KAZN: variants seen among roughly 807,000 people sequenced by gnomAD.
KAZN encodes kazrin, periplakin interacting protein.
In KAZN, 40 loss-of-function variants were observed where a neutral mutation model predicts 87.4. That is an observed-to-expected ratio of 0.46 (90% CI 0.36 to 0.60). The LOEUF (loss-of-function observed/expected upper bound fraction) is 0.60, where lower values mean the gene tolerates loss of function less well. KAZN is among the 20% of genes least tolerant of loss of function. The probability of loss-of-function intolerance (pLI) is 0.00; values close to 1 mark genes in which losing one functional copy is unlikely to be tolerated. For missense variants in KAZN, 898 were observed against 1,073.9 expected (o/e 0.84, Z 2.29); for synonymous variants, 466 against 458.3 (o/e 1.02, Z -0.22).
At position 15,096,836 on chromosome 1, in the gene KAZN, G is replaced by A. The variant is rs1478383390; in HGVS notation, c.1547+1903G>A. Among the ~76,000 whole-genome samples, 1 of 152,180 alleles carries A rather than the reference G, an allele frequency of 6.6e-6. No homozygotes were observed. The highest frequency in any genetic ancestry group is 1.5e-5 in the Non-Finnish European group (1 of 68,022). ...ATCTAATCAGCTCCCAAAGGCCCCA[G>A]CCACAAATACCATCACATCGAAGGT... On this transcript the variant is annotated intron_variant, in intron 10 of 14. Transcript: ENST00000376030. The surrounding 1 kb of genome is among the most constrained non-coding windows in gnomAD (Gnocchi z 4.5).
rs193162260 is a variant in KAZN at position 15,071,451 on chromosome 1, T to C, written c.1222+5698T>C. On this transcript the variant is annotated intron_variant, in intron 8 of 14. Transcript: ENST00000376030. ...GTTGTTTTTAGTAGAGACGGGAGTT[T>C]GCCATGTTGGCCAGGCTGATTTTGA... is the stretch of plus-strand genomic sequence containing the variant. Among the ~76,000 whole-genome samples the C allele has an allele frequency of 1.0e-3, 153 of 152,168 alleles. 1 individual carries two copies. Among genetic ancestry groups the C allele is most frequent in the Non-Finnish European group, 1.7e-3 (113 of 68,002 alleles).
chr1:14,338,076 C>T (rs1243098172), intron 2 of KAZN, among the ~76,000 whole-genome samples: 1 of 152,084 alleles, frequency 6.6e-6, no homozygotes, highest in Non-Finnish European at 1.5e-5. Context: ...CCTTCCCACC[C>T]TCCAGAGAGA....
chr1:14,854,722 G>A (rs1649868131), intron 1 of KAZN, among the ~76,000 whole-genome samples: 2 of 151,162 alleles, frequency 1.3e-5, no homozygotes, highest in South Asian at 4.2e-4. Flanking sequence ...CCACTAGGCT[G>A]TACCTGTCTG....
At chr1:15,038,834 T>C (rs10927646) in intron 3 of KAZN, among the ~76,000 whole-genome samples, 17,110 of 88,592 alleles carry the variant, frequency 0.19, 1,817 homozygotes, top group Admixed American at 0.25. Flanking sequence ...TATACAGACA[T>C]GAATGTGCTA....
At chr1:14,149,258 C>T (rs1357809394) in intron 1 of KAZN, among the ~76,000 whole-genome samples, 41 of 147,084 alleles carry the variant, frequency 2.8e-4, no homozygotes, top group African/African-American at 9.6e-4. Context: ...TGTGCCACCA[C>T]GCCCAGCTAA....
At chr1:14,325,970 G>A (rs1460762136) in intron 2 of KAZN, among the ~76,000 whole-genome samples, 4 of 151,824 alleles carry the variant, frequency 2.6e-5, no homozygotes, top group African/African-American at 9.7e-5. Context: ...AGGACTCTTG[G>A]CAATCTACAC....
rs903300040 is a variant in KAZN, at chr1:15,042,497, C to T, written c.556-1492C>T. On this transcript the variant is annotated intron_variant, in intron 3 of 14. Transcript: ENST00000376030. ...CAATTGAGCAGGGATCTGAGTGAGG[C>T]GAGCAGGTGCCTGCTGGGAGCCCAG... Among the ~76,000 whole-genome samples the T allele has an allele frequency of 3.3e-5, 5 of 152,128 alleles. No homozygotes were observed. In the East Asian group the frequency reaches 5.8e-4, roughly 18 times the overall value.
intron 1 of KAZN, among the ~76,000 whole-genome samples, chr1:14,764,247 C>T (rs938922329): frequency 6.6e-5 from 10 of 152,130 alleles, no homozygotes; most frequent in Admixed American, 3.3e-4. Context: ...CTGCTTCGGG[C>T]AACCTCCCTT....
At chr1:14,642,402 A>AAAAT (rs534609267) in intron 1 of KAZN, among the ~76,000 whole-genome samples, 19 of 152,286 alleles carry the variant, frequency 1.2e-4, no homozygotes, top group East Asian at 7.7e-4. Flanking sequence ...TCCATCTCAA[A>AAAAT]AAATAAATAA....
At chr1:14,170,744 CAG>C (rs3033860) in intron 1 of KAZN, among the ~76,000 whole-genome samples, 18,678 of 151,472 alleles carry the variant, frequency 0.12, 1,262 homozygotes, top group East Asian at 0.33. Flanking sequence ...TTTTCTGAGA[CAG>C]AGTCTCACTC....
At chr1:14,879,204 G>A (rs1653071582) in intron 1 of KAZN, among the ~76,000 whole-genome samples, 2 of 152,128 alleles carry the variant, frequency 1.3e-5, no homozygotes, top group Non-Finnish European at 2.9e-5. Flanking sequence ...CTGGTTCCTG[G>A]AGCCTCGGTT....
chr1:14,419,115 A>G (rs533016873), intron 2 of KAZN, among the ~76,000 whole-genome samples: 1 of 152,322 alleles, frequency 6.6e-6, no homozygotes, highest in South Asian at 2.1e-4. Context: ...ATCTCTTGGT[A>G]GCACCCCATC....
chr1:14,412,053 G>C (rs1664349599), intron 2 of KAZN, among the ~76,000 whole-genome samples: 1 of 152,080 alleles, frequency 6.6e-6, no homozygotes, highest in African/African-American at 2.4e-5. Flanking sequence ...CCTAATTGTA[G>C]ATTTATTTTT....
At chr1:14,650,303 C>A (rs961733581) in intron 1 of KAZN, among the ~76,000 whole-genome samples, 1 of 152,060 alleles carries the variant, frequency 6.6e-6, no homozygotes, top group African/African-American at 2.4e-5. Flanking sequence ...ACCTGTAATC[C>A]CAGCACTTTG....
intron 2 of KAZN, among the ~76,000 whole-genome samples, chr1:14,208,669 G>A (rs999881168): frequency 2.0e-5 from 3 of 152,188 alleles, no homozygotes; most frequent in Non-Finnish European, 4.4e-5. Context: ...AGCTTTTATT[G>A]TCTTTTCATC....
At chr1:14,483,020 T>C (rs1485284685) in intron 2 of KAZN, among the ~76,000 whole-genome samples, 1 of 152,192 alleles carries the variant, frequency 6.6e-6, no homozygotes, top group Non-Finnish European at 1.5e-5. Flanking sequence ...CTTAAATGAA[T>C]GAATATATGC....
At chr1:14,774,479 T>C (rs1645118007) in intron 1 of KAZN, among the ~76,000 whole-genome samples, 1 of 150,926 alleles carries the variant, frequency 6.6e-6, no homozygotes, top group African/African-American at 2.4e-5. Flanking sequence ...TTTTTTTTTT[T>C]TTTTTTTTTG....
chr1:14,883,731 A>G (rs1268162868), intron 1 of KAZN, among the ~76,000 whole-genome samples: 1 of 152,210 alleles, frequency 6.6e-6, no homozygotes, highest in Non-Finnish European at 1.5e-5. Flanking sequence ...AAGACCTTCC[A>G]GGCAAGAATC....
At chr1:14,800,602 G>A (rs943314329) in intron 1 of KAZN, among the ~76,000 whole-genome samples, 1 of 152,164 alleles carries the variant, frequency 6.6e-6, no homozygotes, top group Admixed American at 6.5e-5. Context: ...TACTCTGGAG[G>A]CTAAGGTGGG....
Sources: allele counts gnomAD v4.1 joint callset (sites outside exome capture counted in the v4.1 genomes callset), GRCh38; gene constraint gnomAD v4.1.1; non-coding constraint Gnocchi (gnomAD v3.1); transcripts MANE v1.5; gene names NCBI Gene and HGNC (gene_info 2026-07-23, HGNC 2026-07-21).